Variants in KIAA0825 observed in about 807,000 individuals in gnomAD.
KIAA0825 encodes the protein KIAA0825.
KIAA0825 carries 119 observed loss-of-function variants against 147.6 expected under a neutral mutation model. The observed-to-expected ratio is 0.81, with a 90% CI of 0.69 to 0.94. The LOEUF (loss-of-function observed/expected upper bound fraction) is 0.94. KIAA0825 is among the 40% of genes least tolerant of loss of function. KIAA0825 has a pLI of 0.00. For missense variants in KIAA0825, 1,381 were observed against 1,472.7 expected, an observed-to-expected ratio of 0.94 and a Z score of 1.02; for synonymous variants, 470 against 518.1, an observed-to-expected ratio of 0.91 and a Z score of 1.26.
At chr5:94,471,404 GA>G in intron 9 of KIAA0825, 61 bp downstream of exon 9, 1 of 1,467,348 alleles carries the variant, frequency 6.8e-7, no homozygotes, top group Non-Finnish European at 9.1e-7. Context: ...TCATTCCTGT[GA>G]TATCCAAAGA....
rs138720436 is a variant in KIAA0825 at position 94,577,265 on chromosome 5, C to A, written c.-2+5168G>T. 3.6e-3 allele frequency among the ~76,000 whole-genome samples: 551 copies of A among 151,724 alleles called. 3 individuals carry two copies. The highest frequency in any genetic ancestry group is 0.012 in the African/African-American group (506 of 41,358). Reference sequence around the variant, plus strand: ...TAAGAAAATGTAAAAAAGAAAAAAACCAGAAAATGAATGGTTGCGAGCTAC... The same window carrying A: ...TAAGAAAATGTAAAAAAGAAAAAAAACAGAAAATGAATGGTTGCGAGCTAC... On this transcript the variant is annotated intron_variant, in intron 2 of 20. Coordinates refer to ENST00000682413, the MANE Select transcript of KIAA0825 (RefSeq NM_001145678.3).
intron 1 of KIAA0825, among the ~76,000 whole-genome samples, chr5:94,583,934 T>C (rs1561352875): frequency 6.6e-6 from 1 of 152,054 alleles, no homozygotes; most frequent in South Asian, 2.1e-4. Flanking sequence ...GACCTGCAGC[T>C]GAGCAGCTGA....
intron 2 of KIAA0825, among the ~76,000 whole-genome samples, chr5:94,573,165 T>C (rs1388687268): frequency 6.6e-6 from 1 of 152,090 alleles, no homozygotes; most frequent in Non-Finnish European, 1.5e-5. Context: ...AATTTACACA[T>C]TTTCTGGTGA....
intron 20 of KIAA0825, among the ~76,000 whole-genome samples, chr5:94,370,238 A>C (rs1332232991): frequency 6.6e-6 from 1 of 152,218 alleles, no homozygotes; most frequent in Non-Finnish European, 1.5e-5. Flanking sequence ...TTATAGGGAT[A>C]GAGAACGGGT....
intron 15 of KIAA0825, chr5:94,414,069 A>T (rs1385181408): frequency 1.3e-5 from 2 of 152,200 alleles, no homozygotes; most frequent in African/African-American, 2.4e-5. Context: ...AAAGGTCTTT[A>T]TGAGGCTGAG....
At chr5:94,471,141 T>C (rs754511898) in intron 9 of KIAA0825, among the ~76,000 whole-genome samples, 23 of 152,296 alleles carry the variant, frequency 1.5e-4, no homozygotes, top group African/African-American at 5.5e-4. Context: ...GTCAGTATAA[T>C]GCACCTTACA....
chr5:94,262,371 A>C lies in KIAA0825; in HGVS notation c.3711-108247T>G, dbSNP rs1397933922. Among the ~76,000 whole-genome samples, 2 of 152,132 alleles carry C rather than the reference A, an allele frequency of 1.3e-5. 1 individual carries two copies. The highest frequency in any genetic ancestry group is 4.8e-5 in the African/African-American group (2 of 41,466). On this transcript the variant is annotated intron_variant, in intron 20 of 20. Transcript: ENST00000682413. ...TGAAAGGAAATTTGGAATACATGATAAAATTTAAACATTTTTATCTATATA... is the reference window on the plus strand; with the variant it reads ...TGAAAGGAAATTTGGAATACATGATCAAATTTAAACATTTTTATCTATATA...
At chr5:94,277,960 C>G (rs2346068) in intron 20 of KIAA0825, among the ~76,000 whole-genome samples, 77,825 of 151,912 alleles carry the variant, frequency 0.51, 20,273 homozygotes, top group Admixed American at 0.61. Context: ...ATGTCCCTTG[C>G]AGGGACATGG....
At chr5:94,225,270 A>T (rs1394681787) in intron 20 of KIAA0825, among the ~76,000 whole-genome samples, 1 of 152,240 alleles carries the variant, frequency 6.6e-6, no homozygotes. Flanking sequence ...TAAAAAAAGA[A>T]TTATTAAATT....
chr5:94,589,003 C>A (rs1208932936), intron 1 of KIAA0825, among the ~76,000 whole-genome samples: 1 of 152,116 alleles, frequency 6.6e-6, no homozygotes, highest in Non-Finnish European at 1.5e-5. Context: ...GGGAACATCA[C>A]ACACTGGGGC....
At chr5:94,214,598 C>G (rs567032029) in intron 20 of KIAA0825, among the ~76,000 whole-genome samples, 103 of 152,304 alleles carry the variant, frequency 6.8e-4, no homozygotes, top group African/African-American at 2.3e-3. Context: ...CATCTTTATT[C>G]TTGCCTCAAT....
Position 94,403,807 on chromosome 5 carries a change from T to A in KIAA0825, c.2663-14A>T, listed in dbSNP as rs755172116. On this transcript the variant is annotated splice_polypyrimidine_tract_variant and intron_variant, in intron 15 of 20. Transcript: ENST00000682413. ...CGCACGTTGAGACTTTAAAATCAGATGGCATATTATGGTTAGCAGAACCTA... is the reference window on the plus strand; with the variant it reads ...CGCACGTTGAGACTTTAAAATCAGAAGGCATATTATGGTTAGCAGAACCTA... The A allele has an allele frequency of 9.6e-5, 148 of 1,546,392 alleles. No individual in the cohort carries two copies. The highest frequency in any genetic ancestry group is 2.0e-4 in the Admixed American group (10 of 50,928).
At chr5:94,502,439 G>GA (rs796253885) in intron 5 of KIAA0825, among the ~76,000 whole-genome samples, 5 of 152,146 alleles carry the variant, frequency 3.3e-5, no homozygotes, top group African/African-American at 1.2e-4. Context: ...AATATTAAGT[G>GA]AAAAATGCAC....
At chr5:94,271,410 T>G (rs1776977340) in intron 20 of KIAA0825, among the ~76,000 whole-genome samples, 1 of 151,970 alleles carries the variant, frequency 6.6e-6, no homozygotes, top group South Asian at 2.1e-4. Flanking sequence ...CTCAAACAAC[T>G]CTATAGGAAA....
intron 20 of KIAA0825, among the ~76,000 whole-genome samples, chr5:94,371,406 G>A (rs1173624566): frequency 6.6e-6 from 1 of 152,142 alleles, no homozygotes; most frequent in African/African-American, 2.4e-5. Context: ...CCAAGACTGG[G>A]TAATTTATAA....
At chr5:94,417,423 T>A (rs1473692399) in intron 14 of KIAA0825, 58 bp from the exon 15 acceptor site, 5 of 1,397,042 alleles carry the variant, frequency 3.6e-6, no homozygotes, top group Middle Eastern at 4.1e-4. Context: ...TCAGTGAATA[T>A]GATTAAACTC....
intron 20 of KIAA0825, among the ~76,000 whole-genome samples, chr5:94,158,543 A>G (rs1475643529): frequency 6.6e-6 from 1 of 152,322 alleles, no homozygotes; most frequent in Non-Finnish European, 1.5e-5. Flanking sequence ...ATGTCAATAT[A>G]TCCTACTGAG....
chr5:94,421,029 A>C (rs1754116784), intron 14 of KIAA0825, among the ~76,000 whole-genome samples: 1 of 152,024 alleles, frequency 6.6e-6, no homozygotes, highest in Non-Finnish European at 1.5e-5. Context: ...CCTGGCAGCT[A>C]TGCTTTCTTG....
intron 5 of KIAA0825, among the ~76,000 whole-genome samples, chr5:94,497,641 A>T (rs1272181895): frequency 1.3e-5 from 2 of 152,198 alleles, no homozygotes; most frequent in African/African-American, 4.8e-5. Flanking sequence ...CATACTTTCA[A>T]CTTTTAATGG....
Sources: gnomAD v4.1 joint callset for allele counts (sites outside exome capture counted in the v4.1 genomes callset) on GRCh38, gnomAD v4.1.1 for gene constraint, MANE v1.5 for transcripts, NCBI Gene and HGNC (gene_info 2026-07-23, HGNC 2026-07-21) for gene names.